Variants in SYT1 observed in about 807,000 individuals in gnomAD.
The protein encoded by SYT1 is synaptotagmin-1.
SYT1 carries 8 observed loss-of-function variants against 44.8 expected under a neutral mutation model. That is an observed-to-expected ratio of 0.18 (90% CI 0.10 to 0.32). The LOEUF (loss-of-function observed/expected upper bound fraction) is 0.32, where lower values mean the gene tolerates loss of function less well. SYT1 is among the 10% of genes least tolerant of loss of function. SYT1 has a pLI of 1.00. For synonymous variants in SYT1, 154 were observed against 188.8 expected (o/e 0.82, Z 1.51); for missense variants, 286 against 509.3 (o/e 0.56, Z 4.22).
At chr12:78,947,658 A>C (rs1294190364) in intron 1 of SYT1, among the ~76,000 whole-genome samples, 1 of 152,160 alleles carries the variant, frequency 6.6e-6, no homozygotes, top group Non-Finnish European at 1.5e-5. Flanking sequence ...GAAATAGCTA[A>C]TGTAGCTTTG....
chr12:79,230,486 T>C (rs1175293599), intron 4 of SYT1, among the ~76,000 whole-genome samples: 1 of 152,162 alleles, frequency 6.6e-6, no homozygotes, highest in Non-Finnish European at 1.5e-5. Context: ...GTATGTTATA[T>C]TCTTATTTAC....
intron 9 of SYT1, among the ~76,000 whole-genome samples, chr12:79,403,245 T>C (rs1593037459): frequency 6.6e-6 from 1 of 151,722 alleles, no homozygotes; most frequent in Non-Finnish European, 1.5e-5. Flanking sequence ...ACAGAACCAA[T>C]AGTGAGGGGG....
At chr12:79,063,149 C>T (rs1875512969) in intron 3 of SYT1, among the ~76,000 whole-genome samples, 1 of 152,062 alleles carries the variant, frequency 6.6e-6, no homozygotes, top group Non-Finnish European at 1.5e-5. Context: ...TTTGTGAGAC[C>T]ATCTTGAGGC....
At chr12:79,437,605 TG>T (rs1403732098) in intron 9 of SYT1, among the ~76,000 whole-genome samples, 27 of 152,180 alleles carry the variant, frequency 1.8e-4, no homozygotes, top group African/African-American at 6.3e-4. Flanking sequence ...TCCCTATAAT[TG>T]GAGAAAAATC....
At chr12:79,225,747 G>C (rs1875478987) in intron 4 of SYT1, among the ~76,000 whole-genome samples, 1 of 152,130 alleles carries the variant, frequency 6.6e-6, no homozygotes, top group South Asian at 2.1e-4. Flanking sequence ...GATAAGTATA[G>C]GATTGAAATG....
chr12:78,905,108 A>G (rs1277402058), intron 1 of SYT1, among the ~76,000 whole-genome samples: 2 of 152,080 alleles, frequency 1.3e-5, no homozygotes, highest in Admixed American at 1.3e-4. Flanking sequence ...TGGTAAGGCA[A>G]TTTTTTGTTC....
At chr12:78,931,805 C>G (rs1877769986) in intron 1 of SYT1, among the ~76,000 whole-genome samples, 1 of 152,120 alleles carries the variant, frequency 6.6e-6, no homozygotes, top group South Asian at 2.1e-4. Flanking sequence ...ACAAAGTGTG[C>G]CTGTCATGCA....
At chr12:79,025,276 C>A (rs775173724) in intron 2 of SYT1, among the ~76,000 whole-genome samples, 24 of 151,758 alleles carry the variant, frequency 1.6e-4, no homozygotes, top group Non-Finnish European at 3.2e-4. Context: ...CAATGTGAAT[C>A]ATGACTCCAC....
At chr12:79,231,099 T>C (rs1875841339) in intron 4 of SYT1, among the ~76,000 whole-genome samples, 1 of 151,020 alleles carries the variant, frequency 6.6e-6, no homozygotes, top group Non-Finnish European at 1.5e-5. Flanking sequence ...TGTAGATCTC[T>C]TATTGCATTG....
chr12:79,233,295 AT>A (rs1317703736), intron 4 of SYT1, among the ~76,000 whole-genome samples: 1 of 152,188 alleles, frequency 6.6e-6, no homozygotes, highest in Non-Finnish European at 1.5e-5. Context: ...AGATTAGTTC[AT>A]TTTACATGAT....
chr12:79,275,682 G>C (rs1878677683), intron 4 of SYT1, among the ~76,000 whole-genome samples: 1 of 152,138 alleles, frequency 6.6e-6, no homozygotes, highest in African/African-American at 2.4e-5. Context: ...ATCAGAGCTG[G>C]GACTTTTGCC....
intron 5 of SYT1, among the ~76,000 whole-genome samples, chr12:79,288,706 A>G (rs1156752324): frequency 6.6e-6 from 1 of 152,326 alleles, no homozygotes; most frequent in African/African-American, 2.4e-5. Context: ...AAATATTCAC[A>G]TGTAAAGTCA....
intron 1 of SYT1, among the ~76,000 whole-genome samples, chr12:78,913,301 A>G (rs1373824148): frequency 6.6e-6 from 1 of 151,386 alleles, no homozygotes; most frequent in Non-Finnish European, 1.5e-5. Context: ...TTAATTTTAA[A>G]CTAAGCAAAA....
chr12:79,390,528 T>A (rs1317292022), intron 9 of SYT1, among the ~76,000 whole-genome samples: 2 of 152,148 alleles, frequency 1.3e-5, no homozygotes, highest in Non-Finnish European at 2.9e-5. Context: ...GCTTTTTTTT[T>A]ATTTTCAATT....
Position 79,444,146 on chromosome 12 carries a change from C to A in SYT1, c.1002C>A (p.Asn334Lys), listed in dbSNP as rs543535766. 6.2e-7 allele frequency: 1 copy of A among 1,613,648 alleles called. No individual in the cohort carries two copies. The highest frequency in any genetic ancestry group is 1.3e-5 in the African/African-American group (1 of 75,004). The change falls in exon 10 of 11, where the codon AAC becomes AAA. Residue 334 changes from asparagine (N) to lysine (K), a missense_variant. Physicochemically the swap from Asn to Lys is moderately conservative, Grantham distance 94 (BLOSUM62 0). Transcript: ENST00000261205. ...LKKKKTTIKK[N>K]TLNPYYNESF... ...AGAAAAAGACAACAATTAAAAAGAA[C>A]ACACTTAACCCCTACTACAATGAGT...
chr12:79,159,633 A>G (rs777102254), intron 3 of SYT1, among the ~76,000 whole-genome samples: 1 of 152,172 alleles, frequency 6.6e-6, no homozygotes, highest in Non-Finnish European at 1.5e-5. Flanking sequence ...AAAATAGTAT[A>G]TCTAGGGTTC....
intron 2 of SYT1, among the ~76,000 whole-genome samples, chr12:79,009,897 T>C (rs1871312361): frequency 6.6e-6 from 1 of 152,198 alleles, no homozygotes; most frequent in African/African-American, 2.4e-5. Context: ...CGGCATCCTC[T>C]ATGTTTCATG....
intron 3 of SYT1, among the ~76,000 whole-genome samples, chr12:79,064,966 AAGAAAG>A (rs1265773235): frequency 6.6e-6 from 1 of 150,788 alleles, no homozygotes; most frequent in Non-Finnish European, 1.5e-5. Flanking sequence ...GAAAGAAAGA[AAGAAAG>A]AAAGAAAGAA....
At chr12:79,342,692 C>T (rs1278652394) in intron 8 of SYT1, among the ~76,000 whole-genome samples, 1 of 152,082 alleles carries the variant, frequency 6.6e-6, no homozygotes, top group Non-Finnish European at 1.5e-5. Context: ...TAAATAAAAT[C>T]AGAACTCAAA....
Sources: gnomAD v4.1 joint callset for allele counts (sites outside exome capture counted in the v4.1 genomes callset) on GRCh38, gnomAD v4.1.1 for gene constraint, MANE v1.5 for transcripts, NCBI Gene and HGNC (gene_info 2026-07-23, HGNC 2026-07-21) for gene names.